The following CARMIL1 variants were observed in gnomAD, a reference collection of about 807,000 sequenced individuals.
CARMIL1 encodes F-actin-uncapping protein LRRC16A.
Under a neutral mutation model 177.1 loss-of-function variants are expected in CARMIL1, and 90 were observed. The ratio of observed to expected loss-of-function variants is 0.51; its 90% confidence interval spans 0.43 to 0.61. The LOEUF (loss-of-function observed/expected upper bound fraction) is 0.61, where lower values mean the gene tolerates loss of function less well. CARMIL1 is among the 20% of genes least tolerant of loss of function. The pLI, the probability that CARMIL1 is intolerant of heterozygous loss-of-function variation, is 0.00. For synonymous variants in CARMIL1, 577 were observed against 606.2 expected (o/e 0.95, Z 0.71); for missense variants, 1,380 against 1,667.0 (o/e 0.83, Z 3.00).
At chr6:25,507,616 A>G (rs1268149201) in intron 17 of CARMIL1, 3 of 152,634 alleles carry the variant, frequency 2.0e-5, no homozygotes, top group South Asian at 4.1e-4. Context: ...AAAGTTAAAC[A>G]TTTAAATGTT....
intron 14 of CARMIL1, 22 bp from the exon 15 acceptor site, chr6:25,491,926 G>A (rs1165853427): frequency 3.7e-6 from 6 of 1,605,396 alleles, no homozygotes; most frequent in Non-Finnish European, 8.5e-7. Context: ...TTGAAAAGAA[G>A]AGTGCCTTAT....
intron 2 of CARMIL1, among the ~76,000 whole-genome samples, chr6:25,319,764 C>CTTTT (rs10625095): frequency 2.3e-4 from 27 of 118,688 alleles, no homozygotes; most frequent in South Asian, 8.6e-4. Context: ...CATTTGGTCA[C>CTTTT]TTTTTTTTTT....
intron 8 of CARMIL1, among the ~76,000 whole-genome samples, chr6:25,460,159 C>T (rs1800006799): frequency 6.6e-6 from 1 of 152,190 alleles, no homozygotes; most frequent in South Asian, 2.1e-4. Context: ...ATCAGGTAGT[C>T]CTTTGCAGTG....
At chr6:25,319,110 A>G (rs948804375) in intron 2 of CARMIL1, among the ~76,000 whole-genome samples, 4 of 152,178 alleles carry the variant, frequency 2.6e-5, no homozygotes, top group African/African-American at 7.2e-5. Context: ...TACTATGAGG[A>G]TAGACTGTTC....
At chr6:25,527,146 G>A (rs1807229461) in intron 23 of CARMIL1, among the ~76,000 whole-genome samples, 2 of 152,166 alleles carry the variant, frequency 1.3e-5, no homozygotes, top group African/African-American at 2.4e-5. Context: ...GTCCAGGGGA[G>A]CCCAGTAAAC....
chr6:25,552,964 C>G (rs750562846), intron 27 of CARMIL1, among the ~76,000 whole-genome samples: 1 of 152,040 alleles, frequency 6.6e-6, no homozygotes, highest in Non-Finnish European at 1.5e-5. Context: ...AGTAAAGTAT[C>G]AGATAAAGCA....
intron 29 of CARMIL1, among the ~76,000 whole-genome samples, chr6:25,559,709 ATTCACAGATTTAAGTTTG>A (rs553290183): frequency 6.6e-6 from 1 of 152,202 alleles, no homozygotes; most frequent in Non-Finnish European, 1.5e-5. Flanking sequence ...CCAACCTGCT[ATTCACAGATTTAAGTTTG>A]TTCACAGATC....
At chr6:25,333,170 T>C (rs1785867763) in intron 2 of CARMIL1, among the ~76,000 whole-genome samples, 1 of 152,224 alleles carries the variant, frequency 6.6e-6, no homozygotes, top group Admixed American at 6.5e-5. Context: ...TCCCTTGGAA[T>C]GCCAGCGCTT....
intron 24 of CARMIL1, among the ~76,000 whole-genome samples, chr6:25,535,398 G>A (rs1003813134): frequency 2.0e-5 from 3 of 152,166 alleles, no homozygotes; most frequent in African/African-American, 7.2e-5. Context: ...GAGAGCATAT[G>A]ATTGTGCAGA....
At position 25,496,728 on chromosome 6, in the gene CARMIL1, T is replaced by C. The variant is rs146209408; in HGVS notation, c.1325+1513T>C. ...AGTAATACTTACTGAGCATCTACAGTGTGCTAGACACCGGATGACAGGATA... is the reference window on the plus strand; with the variant it reads ...AGTAATACTTACTGAGCATCTACAGCGTGCTAGACACCGGATGACAGGATA... On this transcript the variant is annotated intron_variant, in intron 16 of 36. Transcript: ENST00000329474. Among the ~76,000 whole-genome samples, 653 of 152,310 alleles carry C rather than the reference T, an allele frequency of 4.3e-3. 3 individuals are homozygous for C. The highest frequency in any genetic ancestry group is 0.015 in the African/African-American group (605 of 41,552).
intron 27 of CARMIL1, among the ~76,000 whole-genome samples, chr6:25,551,398 T>C (rs1582334400): frequency 6.6e-6 from 1 of 152,312 alleles, no homozygotes; most frequent in Middle Eastern, 3.4e-3. Flanking sequence ...CTTTCACCTT[T>C]ACAGATCACT....
intron 2 of CARMIL1, among the ~76,000 whole-genome samples, chr6:25,402,721 C>T (rs881697): frequency 0.43 from 65,043 of 151,930 alleles, 14,123 homozygotes; most frequent in Middle Eastern, 0.57. Flanking sequence ...GTAGCTACAT[C>T]GTGGCTGGTG....
intron 11 of CARMIL1, among the ~76,000 whole-genome samples, chr6:25,474,720 C>T (rs1430109015): frequency 6.6e-6 from 1 of 152,192 alleles, no homozygotes; most frequent in Admixed American, 6.5e-5. Context: ...AAATGTTTCT[C>T]TATTAGATAC....
intron 11 of CARMIL1, among the ~76,000 whole-genome samples, chr6:25,475,278 C>T (rs1166047577): frequency 1.3e-5 from 2 of 152,014 alleles, no homozygotes; most frequent in African/African-American, 2.4e-5. Flanking sequence ...GTGGCAGGCA[C>T]CTGTAGTCCC....
intron 17 of CARMIL1, among the ~76,000 whole-genome samples, chr6:25,503,635 C>T (rs561261491): frequency 3.3e-5 from 5 of 152,248 alleles, no homozygotes; most frequent in Admixed American, 6.5e-5. Flanking sequence ...TATTTTCTTT[C>T]TGCCTGTTCT....
intron 16 of CARMIL1, 118 bp downstream of exon 16, chr6:25,495,333 C>T: frequency 1.7e-6 from 1 of 592,062 alleles, no homozygotes; most frequent in South Asian, 2.8e-5. Context: ...ATGAGAATGC[C>T]TTTTTACTCT....
chr6:25,441,337 A>ATGTGTGTGTGTGTGTGTGTGTG (rs1554196401), intron 5 of CARMIL1, among the ~76,000 whole-genome samples: 1 of 94,534 alleles, frequency 1.1e-5, no homozygotes, highest in Non-Finnish European at 2.0e-5. Flanking sequence ...ATATATATAT[A>ATGTGTGTGTGTGTGTGTGTGTG]TGTGTGTGTG....
At chr6:25,373,713 G>C (rs1016875121) in intron 2 of CARMIL1, among the ~76,000 whole-genome samples, 2 of 151,730 alleles carry the variant, frequency 1.3e-5, no homozygotes, top group African/African-American at 4.8e-5. Flanking sequence ...CTTCCGAGTA[G>C]CTGGGATTAC....
At chr6:25,303,851 G>A (rs1783060465) in intron 2 of CARMIL1, among the ~76,000 whole-genome samples, 1 of 152,214 alleles carries the variant, frequency 6.6e-6, no homozygotes, top group Admixed American at 6.5e-5. Flanking sequence ...AGTTTTAAAG[G>A]AAGAAGCTGG....
Sources: allele counts gnomAD v4.1 joint callset (sites outside exome capture counted in the v4.1 genomes callset), GRCh38; gene constraint gnomAD v4.1.1; transcripts MANE v1.5; gene names NCBI Gene and HGNC (gene_info 2026-07-23, HGNC 2026-07-21).